DAB1: variants seen among roughly 807,000 people sequenced by gnomAD.
DAB1 encodes DAB adaptor protein 1.
In DAB1, 15 loss-of-function variants were observed where a neutral mutation model predicts 64.6. The observed-to-expected ratio is 0.23, with a 90% CI of 0.16 to 0.36. DAB1 has a LOEUF of 0.36. Among genes scored for constraint, DAB1 ranks in the 10% least tolerant of loss-of-function variants. The pLI is 1.00. For synonymous variants in DAB1, 235 were observed against 251.9 expected (o/e 0.93, Z 0.64); for missense variants, 596 against 706.7 (o/e 0.84, Z 1.78).
At position 57,778,806 on chromosome 1, in the gene DAB1, C is replaced by CT. The variant is rs559799234; in HGVS notation, n.551+105192dup. 9.9e-5 allele frequency among the ~76,000 whole-genome samples: 15 copies of CT among 152,076 alleles called. No individual in the cohort carries two copies. The South Asian group carries it at 2.7e-3, about 27-fold the overall frequency. On this transcript the variant is annotated intron_variant and non_coding_transcript_variant, in intron 6 of 20. Coordinates refer to the DAB1 transcript ENST00000485760. Reference sequence around the variant, plus strand: ...GTGATCTAAAATTTATTCCGCCTTGCTTTTTTTCCTTCTTTTCATTTCTTC... The same window carrying CT: ...GTGATCTAAAATTTATTCCGCCTTGCTTTTTTTTCCTTCTTTTCATTTCTTC...
intron 7 of DAB1, among the ~76,000 whole-genome samples, chr1:57,450,406 G>C (rs1686305619): frequency 6.6e-6 from 1 of 151,862 alleles, no homozygotes; most frequent in African/African-American, 2.4e-5. Flanking sequence ...ATTTTTTGCT[G>C]AAAAAAAATA....
At chr1:57,643,550 G>T (rs942365558) in intron 7 of DAB1, among the ~76,000 whole-genome samples, 2 of 151,982 alleles carry the variant, frequency 1.3e-5, no homozygotes, top group Non-Finnish European at 2.9e-5. Flanking sequence ...TGACATTTTT[G>T]ATATATAAGG....
At chr1:58,023,003 A>G (rs1646836246) in intron 5 of DAB1, among the ~76,000 whole-genome samples, 1 of 152,186 alleles carries the variant, frequency 6.6e-6, no homozygotes, top group South Asian at 2.1e-4. Context: ...AGGATTAATG[A>G]TAATTCACAT....
intron 7 of DAB1, among the ~76,000 whole-genome samples, chr1:57,515,913 C>T (rs1644458962): frequency 6.6e-6 from 1 of 152,194 alleles, no homozygotes; most frequent in Non-Finnish European, 1.5e-5. Context: ...TCTTTTCCTC[C>T]ACTCCTACCT....
chr1:57,175,290 T>A (rs1426659876), intron 2 of DAB1, among the ~76,000 whole-genome samples: 1 of 150,296 alleles, frequency 6.7e-6, no homozygotes, highest in East Asian at 1.9e-4. Context: ...AAGGCAGGGT[T>A]TTTTTTTATT....
chr1:58,364,166 G>A (rs1289697992), intron 3 of DAB1, among the ~76,000 whole-genome samples: 3 of 152,174 alleles, frequency 2.0e-5, no homozygotes, highest in Admixed American at 6.5e-5. Context: ...GTGTCATGCT[G>A]GAACTGGGAT....
rs74072718 is a variant in DAB1 at position 57,778,444 on chromosome 1, G to A, written n.551+105555C>T. ...CAAGAGCAAGGGCAGTTTTCACCTC[G>A]TCTGTTGACTTCTTATCAAGGATCA... On this transcript the variant is annotated intron_variant and non_coding_transcript_variant, in intron 6 of 20. Transcript: ENST00000485760. Among the ~76,000 whole-genome samples the A allele has an allele frequency of 3.4e-3, 512 of 151,912 alleles. 4 individuals carry two copies. Among genetic ancestry groups the A allele is most frequent in the African/African-American group, 0.012 (488 of 41,464 alleles).
intron 3 of DAB1, among the ~76,000 whole-genome samples, chr1:58,358,800 G>A (rs557522073): frequency 6.6e-6 from 1 of 152,114 alleles, no homozygotes; most frequent in South Asian, 2.1e-4. Context: ...AATGTGCTAT[G>A]TCTCCTTTTC....
intron 6 of DAB1, among the ~76,000 whole-genome samples, chr1:57,803,173 G>A (rs1651207398): frequency 6.6e-6 from 1 of 152,170 alleles, no homozygotes; most frequent in African/African-American, 2.4e-5. Flanking sequence ...GATTGAGGAG[G>A]GTTCAAAGAA....
intron 7 of DAB1, among the ~76,000 whole-genome samples, chr1:57,516,189 A>G (rs537410872): frequency 2.6e-5 from 4 of 152,336 alleles, no homozygotes; most frequent in African/African-American, 9.6e-5. Context: ...CAGAAAAAAC[A>G]CTGCAGACAT....
chr1:58,438,467 G>C (rs138190139), intron 3 of DAB1, among the ~76,000 whole-genome samples: 1 of 152,298 alleles, frequency 6.6e-6, no homozygotes, highest in Admixed American at 6.5e-5. Flanking sequence ...AAGGGCCTCA[G>C]GTAGGAAGCA....
intron 7 of DAB1, among the ~76,000 whole-genome samples, chr1:57,478,436 T>C (rs1433857207): frequency 6.6e-6 from 1 of 151,848 alleles, no homozygotes; most frequent in Non-Finnish European, 1.5e-5. Flanking sequence ...TATTTGGATG[T>C]GGATTTTTTT....
At chr1:57,888,030 A>G (rs557017582), upstream of DAB1, among the ~76,000 whole-genome samples, 1 of 152,322 alleles carries the variant, frequency 6.6e-6, no homozygotes, top group East Asian at 1.9e-4. Context: ...CCAACTCTTC[A>G]TTTAAATTAT....
At chr1:58,267,697 A>G (rs1661205223) in intron 4 of DAB1, among the ~76,000 whole-genome samples, 1 of 152,186 alleles carries the variant, frequency 6.6e-6, no homozygotes, top group Non-Finnish European at 1.5e-5. Context: ...TGTCAATCTC[A>G]TAAGGATTAG....
chr1:58,328,944 T>G (rs564158700), intron 4 of DAB1, among the ~76,000 whole-genome samples: 6 of 152,176 alleles, frequency 3.9e-5, no homozygotes, highest in Non-Finnish European at 8.8e-5. Context: ...CTGAGAAGCC[T>G]CCCTACCCAG....
chr1:58,366,074 C>T (rs1044370229), intron 3 of DAB1, among the ~76,000 whole-genome samples: 1 of 152,200 alleles, frequency 6.6e-6, no homozygotes, highest in Non-Finnish European at 1.5e-5. Context: ...CAACACTGAG[C>T]TCCCAATACA....
intron 5 of DAB1, among the ~76,000 whole-genome samples, chr1:58,025,653 A>ATATG (rs1646881854): frequency 6.6e-5 from 3 of 45,512 alleles, no homozygotes; most frequent in Non-Finnish European, 1.6e-4. Context: ...ATATGTGTGT[A>ATATG]TATATATATA....
At chr1:57,240,242 C>T (rs1409362453) in intron 2 of DAB1, among the ~76,000 whole-genome samples, 9 of 152,050 alleles carry the variant, frequency 5.9e-5, no homozygotes, top group Non-Finnish European at 7.4e-5. Flanking sequence ...AAGGCTCTTC[C>T]CTAAGGAAAT....
chr1:57,423,054 C>A (rs560310927), intron 1 of DAB1, among the ~76,000 whole-genome samples: 1 of 151,844 alleles, frequency 6.6e-6, no homozygotes, highest in Non-Finnish European at 1.5e-5. Flanking sequence ...ACGACCTCCC[C>A]CCATCTCGGA....
Sources: gnomAD v4.1 joint callset for allele counts (sites outside exome capture counted in the v4.1 genomes callset) on GRCh38, gnomAD v4.1.1 for gene constraint, MANE v1.5 for transcripts, NCBI Gene and HGNC (gene_info 2026-07-23, HGNC 2026-07-21) for gene names.